Variants in ADK observed in about 807,000 individuals in gnomAD.
ADK encodes adenosine kinase, also known as N6,N6-dimethyladenosine kinase.
In ADK, 24 loss-of-function variants were observed where a neutral mutation model predicts 44.7. That is an observed-to-expected ratio of 0.54 (90% CI 0.39 to 0.76). ADK has a LOEUF of 0.76. Ranked by LOEUF, ADK falls within the 30% of genes least tolerant of loss-of-function variation. The probability of loss-of-function intolerance (pLI) is 0.00; values close to 1 mark genes in which losing one functional copy is unlikely to be tolerated. For missense variants in ADK, 321 were observed against 425.1 expected (o/e 0.76, Z 2.15); for synonymous variants, 128 against 142.6 (o/e 0.90, Z 0.73).
At chr10:74,679,157 A>G (rs1855509574) in intron 10 of ADK, among the ~76,000 whole-genome samples, 1 of 152,184 alleles carries the variant, frequency 6.6e-6, no homozygotes, top group African/African-American at 2.4e-5. Context: ...CCATTTTGCT[A>G]TACTCCCTTT....
intron 1 of ADK, chr10:74,177,008 G>C: frequency 7.3e-7 from 1 of 1,369,404 alleles, no homozygotes; most frequent in South Asian, 1.2e-5. Flanking sequence ...TCCCCCTCGT[G>C]TTGGGGGTTC....
At chr10:74,620,746 AGAT>A (rs1271960954) in intron 9 of ADK, among the ~76,000 whole-genome samples, 5 of 151,932 alleles carry the variant, frequency 3.3e-5, no homozygotes, top group African/African-American at 1.2e-4. Flanking sequence ...TACTGGAGTG[AGAT>A]GATACCTCAC....
intron 9 of ADK, among the ~76,000 whole-genome samples, chr10:74,642,908 T>C (rs534167437): frequency 1.4e-5 from 2 of 147,210 alleles, no homozygotes; most frequent in African/African-American, 5.0e-5. Flanking sequence ...AGCATGATCA[T>C]AGCTCACTGT....
At chr10:74,519,033 A>G (rs1848706096) in intron 6 of ADK, among the ~76,000 whole-genome samples, 1 of 151,942 alleles carries the variant, frequency 6.6e-6, no homozygotes, top group Non-Finnish European at 1.5e-5. Flanking sequence ...TCCAGGACCC[A>G]TATGAAAAAT....
chr10:74,377,805 G>A (rs1192419751), intron 4 of ADK, among the ~76,000 whole-genome samples: 3 of 152,152 alleles, frequency 2.0e-5, no homozygotes, highest in Non-Finnish European at 4.4e-5. Flanking sequence ...ACTGAGACGT[G>A]ACCAACCTCC....
chr10:74,211,871 CA>C (rs1370541283), intron 2 of ADK, among the ~76,000 whole-genome samples: 2 of 151,808 alleles, frequency 1.3e-5, no homozygotes, highest in Non-Finnish European at 2.9e-5. Context: ...AAGGTATCTT[CA>C]AAAAAAGTTG....
intron 1 of ADK, among the ~76,000 whole-genome samples, chr10:74,189,666 AGGTT>A (rs1416119455): frequency 6.6e-6 from 1 of 152,214 alleles, no homozygotes; most frequent in African/African-American, 2.4e-5. Context: ...TATATTCACA[AGGTT>A]GTACAGCCAT....
At chr10:74,466,289 G>T (rs1367102704) in intron 6 of ADK, among the ~76,000 whole-genome samples, 1 of 152,148 alleles carries the variant, frequency 6.6e-6, no homozygotes, top group Non-Finnish European at 1.5e-5. Flanking sequence ...TCCTGTGTAA[G>T]CATGCTATGA....
Position 74,164,614 on chromosome 10 carries a change from G to T in ADK, c.65+13271G>T, listed in dbSNP as rs191171995. ...TACATAATACATTGACTTCCTTAGG[G>T]GTATTCATCTCTGTGTTTGCATATC... On this transcript the variant is annotated intron_variant, in intron 1 of 10. Transcript: ENST00000539909. 3.2e-3 allele frequency among the ~76,000 whole-genome samples: 487 copies of T among 152,050 alleles called. 3 individuals are homozygous for T. Among genetic ancestry groups the T allele is most frequent in the Non-Finnish European group, 3.9e-3 (268 of 67,986 alleles).
At chr10:74,486,542 G>A (rs903722791) in intron 6 of ADK, among the ~76,000 whole-genome samples, 2 of 152,064 alleles carry the variant, frequency 1.3e-5, no homozygotes, top group African/African-American at 2.4e-5. Flanking sequence ...TTCATTAGAT[G>A]TTTAAAACTT....
chr10:74,550,982 G>A (rs951531219), intron 7 of ADK, among the ~76,000 whole-genome samples: 1 of 152,096 alleles, frequency 6.6e-6, no homozygotes, highest in African/African-American at 2.4e-5. Flanking sequence ...GATCTACAGG[G>A]ATGGCATGCA....
intron 3 of ADK, among the ~76,000 whole-genome samples, chr10:74,296,038 A>G (rs1592002013): frequency 6.9e-6 from 1 of 143,900 alleles, no homozygotes; most frequent in Non-Finnish European, 1.5e-5. Context: ...ATCATGATGT[A>G]TGTTTTCTAT....
intron 6 of ADK, among the ~76,000 whole-genome samples, chr10:74,435,866 G>A (rs1052931866): frequency 1.3e-5 from 2 of 152,162 alleles, no homozygotes; most frequent in Non-Finnish European, 1.5e-5. Context: ...GCAAGTCTAA[G>A]AGTGTTCATT....
chr10:74,363,214 C>T (rs1842394219), intron 4 of ADK, among the ~76,000 whole-genome samples: 1 of 152,210 alleles, frequency 6.6e-6, no homozygotes, highest in Admixed American at 6.5e-5. Flanking sequence ...GTGTGTCTCC[C>T]AGCAAGTCCC....
rs557922143 is a variant in ADK, at chr10:74,199,659, T to C, written c.66-1105T>C. On this transcript the variant is annotated intron_variant, in intron 1 of 10. Transcript: ENST00000539909. Reference sequence around the variant, plus strand: ...GTGCTGTAATAAACATATCCCTTTTTGGTAGAATGATTCATTTTTTTTCAT... The same window carrying C: ...GTGCTGTAATAAACATATCCCTTTTCGGTAGAATGATTCATTTTTTTTCAT... 1.2e-4 allele frequency among the ~76,000 whole-genome samples: 18 copies of C among 152,202 alleles called. No homozygotes were observed. The East Asian group carries it at 3.5e-3, about 29-fold the overall frequency.
At chr10:74,384,759 G>A (rs117396403) in intron 4 of ADK, among the ~76,000 whole-genome samples, 1,613 of 152,254 alleles carry the variant, frequency 0.011, 18 homozygotes, top group Middle Eastern at 0.017. Context: ...ACCTAAGTAG[G>A]AAGCTAGAAA....
At chr10:74,380,402 T>G (rs1842942702) in intron 4 of ADK, among the ~76,000 whole-genome samples, 1 of 152,206 alleles carries the variant, frequency 6.6e-6, no homozygotes, top group African/African-American at 2.4e-5. Context: ...TGATACTCGC[T>G]TCCCTTAATC....
chr10:74,219,185 G>A (rs187333189), intron 2 of ADK, among the ~76,000 whole-genome samples: 78,611 of 149,650 alleles, frequency 0.53, 21,700 homozygotes, highest in Non-Finnish European at 0.62. Flanking sequence ...TCTACCAAGC[G>A]AATGGAAAAC....
At position 74,152,263 on chromosome 10, in the gene ADK, G is replaced by A. The variant is rs181736939; in HGVS notation, c.65+920G>A. Among the ~76,000 whole-genome samples the A allele has an allele frequency of 2.0e-5, 3 of 152,278 alleles. No homozygotes were observed. The East Asian group carries it at 5.8e-4, about 29-fold the overall frequency. On this transcript the variant is annotated intron_variant, in intron 1 of 10. Coordinates refer to ENST00000539909, the MANE Select transcript of ADK (RefSeq NM_006721.4). ...AGAAAAGGACACTTAGGGGCCTGGTGGTGTGTTCATGCTGCTTTGAATGGA... is the reference window on the plus strand; with the variant it reads ...AGAAAAGGACACTTAGGGGCCTGGTAGTGTGTTCATGCTGCTTTGAATGGA...
Sources: gnomAD v4.1 joint callset for allele counts (sites outside exome capture counted in the v4.1 genomes callset) on GRCh38, gnomAD v4.1.1 for gene constraint, MANE v1.5 for transcripts, NCBI Gene and HGNC (gene_info 2026-07-23, HGNC 2026-07-21) for gene names.